SMLR1: variants seen among roughly 807,000 people sequenced by gnomAD.
SMLR1 encodes small leucine-rich protein 1.
Under a neutral mutation model 6.1 loss-of-function variants are expected in SMLR1, and 3 were observed. The observed-to-expected ratio is 0.49, with a 90% CI of 0.22 to 1.28. The LOEUF (loss-of-function observed/expected upper bound fraction) is 1.28. SMLR1 is among the 50% of genes most tolerant of loss of function. The probability of loss-of-function intolerance (pLI) is 0.19; values close to 1 mark genes in which losing one functional copy is unlikely to be tolerated. For synonymous variants in SMLR1, 55 were observed against 53.6 expected, an observed-to-expected ratio of 1.03 and a Z score of -0.11; for missense variants, 126 against 124.8, an observed-to-expected ratio of 1.01 and a Z score of -0.05.
chr6:130,832,800 T>C (rs752385118), intron 1 of SMLR1, among the ~76,000 whole-genome samples: 1 of 152,112 alleles, frequency 6.6e-6, no homozygotes, highest in Non-Finnish European at 1.5e-5. Flanking sequence ...GAGTATCGAG[T>C]CCTCAGTAGG....
chr6:130,832,934 G>A (rs1447588530), intron 1 of SMLR1, among the ~76,000 whole-genome samples: 3 of 152,024 alleles, frequency 2.0e-5, no homozygotes, highest in South Asian at 2.1e-4. Context: ...TTAATATAAC[G>A]GGGGTCATAA....
intron 1 of SMLR1, among the ~76,000 whole-genome samples, chr6:130,831,559 G>T (rs967368302): frequency 1.3e-5 from 2 of 152,116 alleles, no homozygotes; most frequent in Non-Finnish European, 1.5e-5. Flanking sequence ...CTTCTCTCCA[G>T]TTTGAGGGCA....
chr6:130,827,841 T>G (rs1774323651), intron 1 of SMLR1, among the ~76,000 whole-genome samples, 190 bp downstream of exon 1: 1 of 152,142 alleles, frequency 6.6e-6, no homozygotes, highest in Non-Finnish European at 1.5e-5. Context: ...TTCCACTGTG[T>G]GGATCTTGTG....
intron 1 of SMLR1, among the ~76,000 whole-genome samples, chr6:130,832,857 C>A (rs958089963): frequency 1.3e-5 from 2 of 152,110 alleles, no homozygotes; most frequent in African/African-American, 4.8e-5. Flanking sequence ...AAACTTACCA[C>A]CAATTGTGGG....
rs1774316168 is a variant in SMLR1 at position 130,827,634 on chromosome 6, G to C, written c.221G>C (p.Arg74Thr). ...LLLLLLIAYF[R>T]IKLIEVNEEL... Reference sequence around the variant, plus strand: ...CTGCTCCTCCTCATCGCCTACTTCAGGATCAAACTGATTGAGGGTAAGTGT... The same window carrying C: ...CTGCTCCTCCTCATCGCCTACTTCACGATCAAACTGATTGAGGGTAAGTGT... The change falls in exon 1 of 2, where the codon AGG becomes ACG. Residue 74 changes from arginine to threonine, a missense_variant. Coordinates refer to ENST00000541421, the MANE Select transcript of SMLR1 (RefSeq NM_001195597.2). 1 of 1,535,914 alleles carries C rather than the reference G, an allele frequency of 6.5e-7. No homozygotes were observed. Among genetic ancestry groups the C allele is most frequent in the African/African-American group, 1.4e-5 (1 of 73,118 alleles).
intron 1 of SMLR1, among the ~76,000 whole-genome samples, chr6:130,832,165 C>A (rs1774477611): frequency 6.6e-6 from 1 of 152,012 alleles, no homozygotes; most frequent in African/African-American, 2.4e-5. Context: ...CCTGAGATTC[C>A]CAAACCTTTA....
In SMLR1 at chr6:130,827,441, A is replaced by G. The variant is rs1019398347; in HGVS notation, c.28A>G (p.Arg10Gly). The G allele has an allele frequency of 1.2e-5, 18 of 1,536,028 alleles. No homozygotes were observed. The highest frequency in any genetic ancestry group is 1.4e-5 in the African/African-American group (1 of 73,172). Residue 10 changes from arginine (R) to glycine (G), a missense_variant, in exon 1 of 2, where the codon AGA becomes GGA. By Grantham distance (125) the Arg-to-Gly change is moderately radical (BLOSUM62 -2). Transcript: ENST00000541421. The stretch of plus-strand genomic sequence containing the variant: ...GCTGAGCAAAGGCCGGAGCCCCAGA[A>G]GAAAACAAGTACAGACTCAGAGGAA... MLSKGRSPR[R>G]KQVQTQRKAA...
intron 1 of SMLR1, 46 bp from the exon 2 acceptor site, chr6:130,834,824 G>A: frequency 6.8e-7 from 1 of 1,476,246 alleles, no homozygotes; most frequent in Non-Finnish European, 9.1e-7. Flanking sequence ...AATGACCAAT[G>A]GCACTCAGAT....
Position 130,834,855 on chromosome 6 carries a change from T to C in SMLR1, c.239-15T>C, listed in dbSNP as rs1164778005. ...CAGATGTCTCCAAATTATTAACTAA[T>C]ATTTTTCCTTTCAGTTAATGAAGAA... On this transcript the variant is annotated splice_polypyrimidine_tract_variant and intron_variant, in intron 1 of 1. Transcript: ENST00000541421. 1 of 1,531,288 alleles carries C rather than the reference T, an allele frequency of 6.5e-7. No homozygotes were observed. The highest frequency in any genetic ancestry group is 1.7e-4 in the Middle Eastern group (1 of 5,968). The allele number at this position is 1,531,288 out of a possible 1,614,324, so 94.9% of individuals were successfully genotyped here. A position where few individuals can be genotyped will look rare whatever the true frequency, so the allele number is the denominator to read the frequency against.
chr6:130,835,076 C>G lies in SMLR1; in HGVS notation c.*121C>G. On this transcript the variant is annotated 3_prime_UTR_variant, in exon 2 of 2. Coordinates refer to ENST00000541421, the MANE Select transcript of SMLR1 (RefSeq NM_001195597.2). ...GAACCATAGCAAAATAGAAAGAATACTAAGATACTCATTCTGAACCATACT... is the reference window on the plus strand; with the variant it reads ...GAACCATAGCAAAATAGAAAGAATAGTAAGATACTCATTCTGAACCATACT... 1.3e-6 allele frequency: 1 copy of G among 790,910 alleles called. No homozygotes were observed. The highest frequency in any genetic ancestry group is 2.0e-6 in the Non-Finnish European group (1 of 488,164). 49.0% of individuals were successfully genotyped at this position (790,910 alleles called of 1,614,324 possible). A position where few individuals can be genotyped will look rare whatever the true frequency, so the allele number is the denominator to read the frequency against.
In SMLR1 at chr6:130,827,422, C is replaced by A; in HGVS notation, c.9C>A (p.Ser3Arg). 6.5e-7 allele frequency: 1 copy of A among 1,535,884 alleles called. No individual in the cohort carries two copies. The change falls in exon 1 of 2, where the codon AGC (serine) becomes AGA (arginine). Residue 3 changes from serine to arginine, a missense_variant. By Grantham distance (110) the Ser-to-Arg change is moderately radical (BLOSUM62 -1). Coordinates refer to ENST00000541421, the MANE Select transcript of SMLR1 (RefSeq NM_001195597.2). ML[S>R]KGRSPRRKQV... ...AAAAATTCCACTGAGACATGCTGAG[C>A]AAAGGCCGGAGCCCCAGAAGAAAAC... is the stretch of plus-strand genomic sequence containing the variant.
At chr6:130,831,019 T>G (rs9402291) in intron 1 of SMLR1, among the ~76,000 whole-genome samples, 7,970 of 152,292 alleles carry the variant, frequency 0.052, 632 homozygotes, top group East Asian at 0.39. Flanking sequence ...TTGCTTTCAC[T>G]TTACGAACTC....
At position 130,835,058 on chromosome 6, in the gene SMLR1, A is replaced by G; in HGVS notation, c.*103A>G. Reference sequence around the variant, plus strand: ...AAGTAGGTTGATAAACTAGAACCATAGCAAAATAGAAAGAATACTAAGATA... The same window carrying G: ...AAGTAGGTTGATAAACTAGAACCATGGCAAAATAGAAAGAATACTAAGATA... On this transcript the variant is annotated 3_prime_UTR_variant, in exon 2 of 2. Coordinates refer to ENST00000541421, the MANE Select transcript of SMLR1 (RefSeq NM_001195597.2). 1 of 901,090 alleles carries G rather than the reference A, an allele frequency of 1.1e-6. No individual in the cohort carries two copies. Among genetic ancestry groups the G allele is most frequent in the Non-Finnish European group, 1.7e-6 (1 of 579,622 alleles). The allele number at this position is 901,090 out of a possible 1,614,324, so 55.8% of individuals were successfully genotyped here.
rs551212554 is a variant in SMLR1, at chr6:130,834,727, T to C, written c.239-143T>C. 2.2e-5 allele frequency: 14 copies of C among 643,646 alleles called. No individual in the cohort carries two copies. In the East Asian group the frequency reaches 3.3e-4, roughly 15 times the overall value. 39.9% of individuals were successfully genotyped at this position (643,646 alleles called of 1,614,324 possible). The stretch of plus-strand genomic sequence containing the variant: ...GAGGAGATAAGGATCGATCCTGTAA[T>C]AGGATCTGCTTGGAAGACCTGGACT... On this transcript the variant is annotated intron_variant, in intron 1 of 1. Coordinates refer to ENST00000541421, the MANE Select transcript of SMLR1 (RefSeq NM_001195597.2).
intron 1 of SMLR1, among the ~76,000 whole-genome samples, chr6:130,833,199 A>G (rs953473954): frequency 1.3e-5 from 2 of 152,144 alleles, no homozygotes; most frequent in African/African-American, 4.8e-5. Context: ...CTCACTCTCC[A>G]TATGGTGCCT....
intron 1 of SMLR1, among the ~76,000 whole-genome samples, chr6:130,832,952 T>G (rs966290530): frequency 6.6e-6 from 1 of 152,182 alleles, no homozygotes; most frequent in Admixed American, 6.5e-5. Context: ...TAATAGTTAT[T>G]GATGATGGTG....
Position 130,836,558 on chromosome 6 carries a change from G to A in SMLR1, c.*1603G>A, listed in dbSNP as rs1190827308. On this transcript the variant is annotated 3_prime_UTR_variant, in exon 2 of 2. Transcript: ENST00000541421. ...TGTGATAACACATGAGCTCTATATA[G>A]ACATGTTTTCAGCACCAAGCACTAC... 6.6e-6 allele frequency: 1 copy of A among 152,140 alleles called. No individual in the cohort carries two copies. The highest frequency in any genetic ancestry group is 2.1e-4 in the South Asian group (1 of 4,826). The allele number at this position is 152,140 out of a possible 1,614,324, so 9.4% of individuals were successfully genotyped here.
chr6:130,833,596 G>C (rs1774537889), intron 1 of SMLR1, among the ~76,000 whole-genome samples: 1 of 152,136 alleles, frequency 6.6e-6, no homozygotes, highest in Non-Finnish European at 1.5e-5. Flanking sequence ...CAGTTTCTCT[G>C]ATCTTGGGCA....
intron 1 of SMLR1, among the ~76,000 whole-genome samples, chr6:130,832,059 T>C (rs1774470128): frequency 6.6e-6 from 1 of 152,186 alleles, no homozygotes; most frequent in African/African-American, 2.4e-5. Context: ...GAAGTATGTG[T>C]CATGAACTTC....
Sources: allele counts gnomAD v4.1 joint callset (sites outside exome capture counted in the v4.1 genomes callset), GRCh38; gene constraint gnomAD v4.1.1; transcripts MANE v1.5; gene names NCBI Gene and HGNC (gene_info 2026-07-23, HGNC 2026-07-21).